PBX1: variants seen among roughly 807,000 people sequenced by gnomAD.
PBX1 encodes the protein PBX homeobox 1.
A neutral mutation model predicts 53.4 loss-of-function variants in PBX1; 6 were observed. That is an observed-to-expected ratio of 0.11 (90% CI 0.06 to 0.22). The LOEUF (loss-of-function observed/expected upper bound fraction) is 0.22, where lower values mean the gene tolerates loss of function less well. Among genes scored for constraint, PBX1 ranks in the 10% least tolerant of loss-of-function variants. The pLI is 1.00. For synonymous variants in PBX1, 204 were observed against 212.3 expected (o/e 0.96, Z 0.34); for missense variants, 251 against 551.4 (o/e 0.46, Z 5.46).
At chr1:164,696,450 A>C (rs1662803970) in intron 2 of PBX1, among the ~76,000 whole-genome samples, 2 of 152,180 alleles carry the variant, frequency 1.3e-5, no homozygotes, top group African/African-American at 4.8e-5. Flanking sequence ...GTGGTCACAG[A>C]TGCTGGCTTT....
intron 2 of PBX1, among the ~76,000 whole-genome samples, chr1:164,675,665 CT>C (rs929751271): frequency 6.6e-6 from 1 of 152,108 alleles, no homozygotes; most frequent in Non-Finnish European, 1.5e-5. Flanking sequence ...CTACAAGATC[CT>C]TTTACCAGGT....
chr1:164,860,145 C>A (rs909046139), intron 2 of PBX1, among the ~76,000 whole-genome samples: 3 of 152,158 alleles, frequency 2.0e-5, no homozygotes, highest in African/African-American at 7.2e-5. Flanking sequence ...ATCCCTCACA[C>A]CCAGAAGCAG....
intron 2 of PBX1, chr1:164,651,872 T>A (rs1175251138): frequency 6.6e-6 from 1 of 152,330 alleles, no homozygotes; most frequent in African/African-American, 2.4e-5. Flanking sequence ...TTTATGCAGA[T>A]TGGGCACCTC....
downstream of PBX1, among the ~76,000 whole-genome samples, chr1:164,855,475 A>T (rs1671958654): frequency 6.6e-6 from 1 of 151,810 alleles, no homozygotes; most frequent in East Asian, 1.9e-4. Context: ...CTAGTATCCC[A>T]TTTTTTTTCT....
At chr1:164,806,156 C>G (rs1190062519) in intron 4 of PBX1, among the ~76,000 whole-genome samples, 1 of 152,178 alleles carries the variant, frequency 6.6e-6, no homozygotes, top group Non-Finnish European at 1.5e-5. Context: ...CACACAACTT[C>G]AAGGAGGGCC....
At chr1:164,824,477 A>G (rs1278412092) in intron 8 of PBX1, among the ~76,000 whole-genome samples, 7 of 152,202 alleles carry the variant, frequency 4.6e-5, no homozygotes, top group African/African-American at 1.7e-4. Flanking sequence ...ATTATTCCAC[A>G]TGAATGCAGT....
chr1:164,666,776 GA>G (rs1660832967), intron 2 of PBX1, among the ~76,000 whole-genome samples: 1 of 151,938 alleles, frequency 6.6e-6, no homozygotes, highest in African/African-American at 2.4e-5. Flanking sequence ...TTGCCTAAAG[GA>G]AAAAAAGTAG....
chr1:164,769,730 C>G (rs1667266760), intron 2 of PBX1: 1 of 152,164 alleles, frequency 6.6e-6, no homozygotes, highest in Non-Finnish European at 1.5e-5. Flanking sequence ...CTCTATAGTA[C>G]TAAAAGGAAC....
intron 2 of PBX1, among the ~76,000 whole-genome samples, chr1:164,869,261 T>C (rs1183737707): frequency 6.6e-6 from 1 of 152,178 alleles, no homozygotes; most frequent in Non-Finnish European, 1.5e-5. Flanking sequence ...CTGAAAAACC[T>C]GAAGACCACA....
chr1:164,760,318 T>G (rs1249319395), intron 2 of PBX1, among the ~76,000 whole-genome samples: 2 of 151,984 alleles, frequency 1.3e-5, no homozygotes, highest in Non-Finnish European at 2.9e-5. Flanking sequence ...ATCCTGTATC[T>G]AAAGTGGGAA....
At chr1:164,722,307 T>C (rs1050788180) in intron 2 of PBX1, among the ~76,000 whole-genome samples, 1 of 152,218 alleles carries the variant, frequency 6.6e-6, no homozygotes, top group Non-Finnish European at 1.5e-5. Flanking sequence ...TTTTTCTTTA[T>C]AGACTTTCAG....
At chr1:164,595,390 A>G (rs2101784121) in intron 2 of PBX1, among the ~76,000 whole-genome samples, 1 of 152,262 alleles carries the variant, frequency 6.6e-6, no homozygotes, top group Admixed American at 6.5e-5. Context: ...CACGGTGGCA[A>G]GTTGGCTGTG....
chr1:164,776,938 G>GGT (rs1667689052), intron 2 of PBX1, among the ~76,000 whole-genome samples: 3 of 110,090 alleles, frequency 2.7e-5, no homozygotes, highest in African/African-American at 1.1e-4. Context: ...TGTGTGTGGT[G>GGT]GGAGGAGAGA....
At chr1:164,786,789 T>G (rs1174460999) in intron 2 of PBX1, among the ~76,000 whole-genome samples, 2 of 151,320 alleles carry the variant, frequency 1.3e-5, no homozygotes, top group Admixed American at 1.3e-4. Context: ...TGAAAAGGAT[T>G]CAGAACTCCA....
At chr1:164,870,218 T>TTCC (rs1553255670) in intron 2 of PBX1, among the ~76,000 whole-genome samples, 4,040 of 54,730 alleles carry the variant, frequency 0.074, 749 homozygotes, top group Admixed American at 0.1. Flanking sequence ...CTTTTCTTTC[T>TTCC]TTCCTTCCTT....
rs1013414435 is a variant in PBX1 at position 164,746,376 on chromosome 1, T to TTTC, written c.266-46102_266-46100dup. Among the ~76,000 whole-genome samples, 29 of 152,184 alleles carry TTTC rather than the reference T, an allele frequency of 1.9e-4. 1 individual carries two copies. The highest frequency in any genetic ancestry group is 4.6e-4 in the African/African-American group (19 of 41,544). ...GTCTTTTTTTCCTAAACTATTCTTT[T>TTTC]TTCTTCTTCTTCTTCTTCAAGATGG... On this transcript the variant is annotated intron_variant, in intron 2 of 8. Coordinates refer to ENST00000420696, the MANE Select transcript of PBX1 (RefSeq NM_002585.4).
At chr1:164,761,161 A>T (rs1342640234) in intron 2 of PBX1, among the ~76,000 whole-genome samples, 1 of 152,138 alleles carries the variant, frequency 6.6e-6, no homozygotes, top group African/African-American at 2.4e-5. Context: ...ACATCACACT[A>T]CTTAGGGACA....
rs1003902810 is a variant in PBX1, at chr1:164,836,230, C to T, written c.1201-10354C>T. Among the ~76,000 whole-genome samples the T allele has an allele frequency of 2.6e-5, 4 of 152,168 alleles. No individual in the cohort carries two copies. The East Asian group carries it at 7.7e-4, about 29-fold the overall frequency. On this transcript the variant is annotated intron_variant, in intron 8 of 8. Coordinates refer to ENST00000420696, the MANE Select transcript of PBX1 (RefSeq NM_002585.4). ...TATCTGTAAGATAACACATTCTTCT[C>T]AGTTGTTGAACTTTGACATCTCACC... is the stretch of plus-strand genomic sequence containing the variant.
At chr1:164,719,193 A>G (rs377505524) in intron 2 of PBX1, among the ~76,000 whole-genome samples, 25 of 152,200 alleles carry the variant, frequency 1.6e-4, no homozygotes, top group African/African-American at 5.8e-4. Context: ...CCCAGGAGCA[A>G]GCAACTCAAT....
Sources: allele counts gnomAD v4.1 joint callset (sites outside exome capture counted in the v4.1 genomes callset), GRCh38; gene constraint gnomAD v4.1.1; transcripts MANE v1.5; gene names NCBI Gene and HGNC (gene_info 2026-07-23, HGNC 2026-07-21).